Variants in MMS19 observed in about 807,000 individuals in gnomAD.
MMS19 encodes the protein MMS19 nucleotide excision repair protein homolog.
In MMS19, 77 loss-of-function variants were observed where a neutral mutation model predicts 129.8. The ratio of observed to expected loss-of-function variants is 0.59; its 90% CI spans 0.49 to 0.72. The LOEUF (loss-of-function observed/expected upper bound fraction) is 0.72. MMS19 is among the 30% of genes least tolerant of loss of function. The pLI is 0.00. For missense variants in MMS19, 1,168 were observed against 1,266.3 expected, an observed-to-expected ratio of 0.92 and a Z score of 1.18; for synonymous variants, 491 against 502.8, an observed-to-expected ratio of 0.98 and a Z score of 0.31.
intron 1 of MMS19, among the ~76,000 whole-genome samples, chr10:97,491,524 G>A (rs770918533): frequency 6.6e-6 from 1 of 152,160 alleles, no homozygotes; most frequent in Non-Finnish European, 1.5e-5. Context: ...AATTAGCTGG[G>A]TGTAGTGGCA....
At chr10:97,462,370 G>A (rs542939294) in intron 20 of MMS19, among the ~76,000 whole-genome samples, 4 of 152,322 alleles carry the variant, frequency 2.6e-5, no homozygotes, top group African/African-American at 9.6e-5. Context: ...GCACATCTGC[G>A]GCTAAGAACC....
rs758133823 is a variant in MMS19, at chr10:97,458,473, T to A, written c.*219A>T. The A allele has an allele frequency of 3.5e-6, 2 of 567,882 alleles. No individual in the cohort carries two copies. Among genetic ancestry groups the A allele is most frequent in the Non-Finnish European group, 6.2e-6 (2 of 323,512 alleles). The allele number at this position is 567,882 out of a possible 1,614,324, so 35.2% of individuals were successfully genotyped here. A position where few individuals can be genotyped will look rare whatever the true frequency, so the allele number is the denominator to read the frequency against. On this transcript the variant is annotated 3_prime_UTR_variant, in exon 31 of 31. Coordinates refer to ENST00000438925, the MANE Select transcript of MMS19 (RefSeq NM_022362.5). ...AGAGACCCAGGACCCTAGATCTTTC[T>A]TCAAACGCAAGTGTCTCACACACAC...
chr10:97,480,221 C>A (rs1300953477), intron 3 of MMS19: 2 of 460,020 alleles, frequency 4.3e-6, no homozygotes. Flanking sequence ...ACCGCCTCCT[C>A]CAGCTTCTGG....
rs780367670 is a variant in MMS19 at position 97,465,917 on chromosome 10, T to C, written c.1644A>G (p.Gln548=). 42 of 1,613,962 alleles carry C rather than the reference T, an allele frequency of 2.6e-5. No individual in the cohort carries two copies. Among genetic ancestry groups the C allele is most frequent in the South Asian group, 6.6e-5 (6 of 91,086 alleles). The change falls in exon 18 of 31, where the codon CAA becomes CAG. Residue 548 remains glutamine, a synonymous_variant. Coordinates refer to ENST00000438925, the MANE Select transcript of MMS19 (RefSeq NM_022362.5). ...SNLTNGDEPT[Q]CSRHLCCLQA... is the part of the protein sequence containing the mutation. ...GCAGACAGCACAGATGCCGGGAGCA[T>C]TGGGTGGGCTCATCTCCGTTAGTCA...
At chr10:97,459,605 T>C (rs1261255314) in intron 27 of MMS19, 54 bp downstream of exon 27, 9 of 1,598,932 alleles carry the variant, frequency 5.6e-6, no homozygotes, top group Non-Finnish European at 7.7e-6. Context: ...TCTAGCCCCA[T>C]CTGGGGAAGA....
chr10:97,465,253 G>A (rs2033186859), intron 18 of MMS19, among the ~76,000 whole-genome samples: 1 of 152,022 alleles, frequency 6.6e-6, no homozygotes, highest in Non-Finnish European at 1.5e-5. Context: ...ACCCGCCTCA[G>A]CCTCCCAAAG....
Position 97,486,177 on chromosome 10 carries a change from G to GT in MMS19, c.113-2027dup, listed in dbSNP as rs796910217. On this transcript the variant is annotated intron_variant, in intron 1 of 30. Transcript: ENST00000438925. The stretch of plus-strand genomic sequence containing the variant: ...AAAGAAAGAAATCTTACCACTTGGT[G>GT]TTTTTTGTTTGTTTGTTTTTTTCTG... Among the ~76,000 whole-genome samples the GT allele has an allele frequency of 1.5e-3, 223 of 152,224 alleles. 3 individuals carry two copies. Among genetic ancestry groups the GT allele is most frequent in the African/African-American group, 5.2e-3 (216 of 41,550 alleles).
intron 1 of MMS19, among the ~76,000 whole-genome samples, chr10:97,497,663 G>A (rs2040040981): frequency 6.6e-6 from 1 of 152,046 alleles, no homozygotes; most frequent in African/African-American, 2.4e-5. Context: ...CTGGGAAGAA[G>A]ACAAAAACAA....
intron 1 of MMS19, among the ~76,000 whole-genome samples, chr10:97,492,480 AAAAAG>A (rs1027067087): frequency 2.6e-4 from 39 of 151,940 alleles, no homozygotes; most frequent in Non-Finnish European, 4.7e-4. Flanking sequence ...GTCTCAAAAA[AAAAAG>A]AAAAGAAAAG....
At chr10:97,459,186 T>C in intron 29 of MMS19, 37 bp downstream of exon 29, 1 of 1,591,482 alleles carries the variant, frequency 6.3e-7, no homozygotes, top group South Asian at 1.1e-5. Flanking sequence ...TCTCTTGAGA[T>C]GTTCCCAGGC....
chr10:97,481,144 C>T (rs1194867606), intron 2 of MMS19, 102 bp from the exon 3 acceptor site: 14 of 767,258 alleles, frequency 1.8e-5, no homozygotes, highest in Middle Eastern at 3.5e-4. Context: ...GGCATGGAAG[C>T]AGAGCCAAGC....
chr10:97,463,755 G>A, intron 19 of MMS19, 103 bp downstream of exon 19: 2 of 1,055,512 alleles, frequency 1.9e-6, no homozygotes, highest in Non-Finnish European at 2.7e-6. Context: ...ATAAACCTCT[G>A]ATGGTACAAA....
Position 97,466,877 on chromosome 10 carries a change from T to C in MMS19, c.1322A>G (p.Lys441Arg), listed in dbSNP as rs142839489. ...DKDQRPLNGFKDQLCSLVFMA... is the reference protein window; with the variant it reads ...DKDQRPLNGFRDQLCSLVFMA... ...GAATACCAGTGAGCACAGCTGGTCC[T>C]TGAAGCCATTCAGAGGCCTTTGATC... The change falls in exon 15 of 31, where the codon AAG becomes AGG. Residue 441 changes from lysine to arginine, a missense_variant. This residue lies in a region of MMS19 where 831 missense variants were observed against 910.8 expected (regional missense o/e 0.91). Transcript: ENST00000438925. 8.4e-5 allele frequency: 136 copies of C among 1,613,982 alleles called. No individual in the cohort carries two copies. Among genetic ancestry groups the C allele is most frequent in the African/African-American group, 5.1e-4 (38 of 75,042 alleles).
intron 1 of MMS19, among the ~76,000 whole-genome samples, chr10:97,490,544 TA>T (rs2038694610): frequency 6.6e-6 from 1 of 152,230 alleles, no homozygotes; most frequent in Admixed American, 6.5e-5. Flanking sequence ...ACCAGAGAAT[TA>T]CTTCCAGCAG....
chr10:97,460,218 C>T lies in MMS19; in HGVS notation c.2484G>A (p.Leu828=). The T allele has an allele frequency of 6.2e-7, 1 of 1,613,124 alleles. No individual in the cohort carries two copies. Residue 828 remains leucine (L), a synonymous_variant, in exon 26 of 31, where the codon CTG becomes CTA. Coordinates refer to ENST00000438925, the MANE Select transcript of MMS19 (RefSeq NM_022362.5). ...SCLTARLMGL[L]SDPELGPAAA... is the part of the protein sequence containing the mutation. Reference sequence around the variant, plus strand: ...CTGCTGGACCTAATTCTGGGTCACTCAGGAGGCCCATGAGCTGGAGAAAAA... The same window carrying T: ...CTGCTGGACCTAATTCTGGGTCACTTAGGAGGCCCATGAGCTGGAGAAAAA...
intron 1 of MMS19, 64 bp downstream of exon 1, chr10:97,498,209 T>A: frequency 1.4e-6 from 2 of 1,446,530 alleles, no homozygotes; most frequent in Non-Finnish European, 1.8e-6. Flanking sequence ...GCCCGGCGCC[T>A]GTACTGAGGC....
At chr10:97,465,320 A>G (rs754407047) in intron 18 of MMS19, among the ~76,000 whole-genome samples, 3 of 150,302 alleles carry the variant, frequency 2.0e-5, no homozygotes, top group Non-Finnish European at 4.4e-5. Context: ...TTTGAGATAG[A>G]GTTTCACTCT....
At chr10:97,474,390 A>T (rs1218488949) in intron 8 of MMS19, among the ~76,000 whole-genome samples, 4 of 149,802 alleles carry the variant, frequency 2.7e-5, no homozygotes, top group African/African-American at 4.9e-5. Context: ...TAAAAAATAT[A>T]AAAAAAAAAT....
intron 30 of MMS19, 30 bp from the exon 31 acceptor site, chr10:97,458,749 A>G: frequency 1.9e-6 from 3 of 1,612,898 alleles, no homozygotes. Flanking sequence ...TGGCAGCATT[A>G]GTGATGAGGC....
Sources: gnomAD v4.1 joint callset for allele counts (sites outside exome capture counted in the v4.1 genomes callset) on GRCh38, gnomAD v4.1.1 for gene constraint, gnomAD v4.1.1 regional missense constraint, MANE v1.5 for transcripts, NCBI Gene and HGNC (gene_info 2026-07-23, HGNC 2026-07-21) for gene names.